LYPD6B: variants seen among roughly 807,000 people sequenced by gnomAD.
LYPD6B encodes the protein LY6/PLAUR domain containing 6B.
A neutral mutation model predicts 22.8 loss-of-function variants in LYPD6B; 17 were observed. The observed-to-expected ratio is 0.75, with a 90% CI of 0.51 to 1.12. LYPD6B has a LOEUF of 1.12. LYPD6B is among the 50% of genes most tolerant of loss of function. The pLI, the probability that LYPD6B is intolerant of heterozygous loss-of-function variation, is 0.00. For synonymous variants in LYPD6B, 106 were observed against 91.6 expected (o/e 1.16, Z -0.90); for missense variants, 221 against 258.3 (o/e 0.86, Z 0.99).
chr2:149,111,385 T>C (rs1686751958), intron 1 of LYPD6B, among the ~76,000 whole-genome samples: 1 of 151,986 alleles, frequency 6.6e-6, no homozygotes, highest in Non-Finnish European at 1.5e-5. Flanking sequence ...AAGGAGTTGG[T>C]AGTGGTGAAG....
chr2:149,121,735 C>T (rs887785153), intron 1 of LYPD6B, among the ~76,000 whole-genome samples: 10 of 152,108 alleles, frequency 6.6e-5, no homozygotes, highest in Admixed American at 1.3e-4. Context: ...CAGGACCTGC[C>T]GGGGCCAGGG....
chr2:149,120,367 A>G (rs1324801993), intron 1 of LYPD6B, among the ~76,000 whole-genome samples: 9 of 38,550 alleles, frequency 2.3e-4, no homozygotes, highest in African/African-American at 1.4e-3. Flanking sequence ...GTGTGTATAT[A>G]TATATATATA....
intron 1 of LYPD6B, among the ~76,000 whole-genome samples, chr2:149,044,932 A>G (rs6437183): frequency 1.4e-4 from 21 of 151,912 alleles, no homozygotes; most frequent in Non-Finnish European, 7.4e-5. Context: ...GTTGAACCAG[A>G]CTTACATTCT....
At chr2:149,137,615 T>C (rs1294151372) in intron 2 of LYPD6B, among the ~76,000 whole-genome samples, 11 of 152,202 alleles carry the variant, frequency 7.2e-5, no homozygotes, top group Non-Finnish European at 1.5e-5. Flanking sequence ...TCAATAAATA[T>C]TTGTGCATAC....
intron 3 of LYPD6B, among the ~76,000 whole-genome samples, chr2:149,182,005 C>T (rs1253913910): frequency 6.6e-6 from 1 of 152,148 alleles, no homozygotes; most frequent in African/African-American, 2.4e-5. Context: ...GGTGCCCTTG[C>T]CTAAGCCCCT....
intron 1 of LYPD6B, among the ~76,000 whole-genome samples, chr2:149,073,509 G>A (rs764328408): frequency 2.6e-5 from 4 of 152,216 alleles, no homozygotes; most frequent in Middle Eastern, 3.4e-3. Flanking sequence ...GCCCACTGCC[G>A]TGATGCTGGG....
chr2:149,048,476 T>C (rs1683410500), intron 1 of LYPD6B, among the ~76,000 whole-genome samples: 1 of 152,216 alleles, frequency 6.6e-6, no homozygotes. Context: ...CAGAGTGGTC[T>C]GTCTCCATGC....
At chr2:149,062,296 G>A (rs896286698) in intron 1 of LYPD6B, among the ~76,000 whole-genome samples, 2 of 152,138 alleles carry the variant, frequency 1.3e-5, no homozygotes, top group African/African-American at 4.8e-5. Flanking sequence ...AGAATCTTTT[G>A]GATAACAAAA....
chr2:149,126,386 C>T (rs897528221), intron 1 of LYPD6B, among the ~76,000 whole-genome samples: 1 of 152,286 alleles, frequency 6.6e-6, no homozygotes, highest in East Asian at 1.9e-4. Context: ...TACCAATAAA[C>T]AGTCAATGCA....
chr2:149,167,744 C>T (rs1690524732), intron 3 of LYPD6B, among the ~76,000 whole-genome samples: 1 of 152,140 alleles, frequency 6.6e-6, no homozygotes, highest in African/African-American at 2.4e-5. Context: ...CCTAGGATTT[C>T]TGGGTTTAAT....
chr2:149,055,891 A>C (rs1486752206), intron 1 of LYPD6B, among the ~76,000 whole-genome samples: 1 of 152,202 alleles, frequency 6.6e-6, no homozygotes, highest in African/African-American at 2.4e-5. Flanking sequence ...CCTTTGCTAG[A>C]AAAGACAGCA....
intron 2 of LYPD6B, among the ~76,000 whole-genome samples, chr2:149,158,904 T>C (rs774044420): frequency 5.3e-5 from 8 of 152,196 alleles, no homozygotes; most frequent in Admixed American, 1.3e-4. Context: ...AGGACTGTAG[T>C]CTCAGACAGT....
intron 2 of LYPD6B, among the ~76,000 whole-genome samples, chr2:149,142,931 T>A (rs1037737889): frequency 1.3e-5 from 2 of 152,210 alleles, no homozygotes; most frequent in Admixed American, 6.5e-5. Flanking sequence ...ACTTTTACTT[T>A]AGAATAGTTA....
intron 1 of LYPD6B, among the ~76,000 whole-genome samples, chr2:149,123,462 C>A (rs777108945): frequency 6.6e-6 from 1 of 151,924 alleles, no homozygotes; most frequent in Non-Finnish European, 1.5e-5. Flanking sequence ...AAGATCTGTA[C>A]GTAACTAAAG....
In LYPD6B at chr2:149,214,821, C is replaced by A; in HGVS notation, c.*111C>A. 3 of 1,130,072 alleles carry A rather than the reference C, an allele frequency of 2.7e-6. No individual in the cohort carries two copies. Among genetic ancestry groups the A allele is most frequent in the South Asian group, 1.4e-5 (1 of 72,742 alleles). 70.0% of individuals were successfully genotyped at this position (1,130,072 alleles called of 1,614,324 possible). ...AATCTTGCACTTGGTGAAGAGTGCA[C>A]ATTGGACCTCAAGGCGAAAGCCAGT... is the stretch of plus-strand genomic sequence containing the variant. On this transcript the variant is annotated 3_prime_UTR_variant, in exon 7 of 7. Transcript: ENST00000409642.
At chr2:149,196,959 TG>T (rs2106096505) in intron 3 of LYPD6B, among the ~76,000 whole-genome samples, 1 of 152,242 alleles carries the variant, frequency 6.6e-6, no homozygotes, top group Non-Finnish European at 1.5e-5. Flanking sequence ...ACTCAACCAA[TG>T]TCGAGTAATG....
chr2:149,122,368 G>A (rs1209479482), intron 1 of LYPD6B, among the ~76,000 whole-genome samples: 2 of 151,622 alleles, frequency 1.3e-5, no homozygotes, highest in African/African-American at 2.4e-5. Context: ...TTTGATGGAG[G>A]CATGTTTCTC....
intron 3 of LYPD6B, among the ~76,000 whole-genome samples, chr2:149,189,350 A>ATG (rs1692335013): frequency 2.2e-5 from 2 of 90,438 alleles, no homozygotes; most frequent in South Asian, 9.7e-4. Flanking sequence ...AATTATATAT[A>ATG]TATATATATA....
intron 1 of LYPD6B, among the ~76,000 whole-genome samples, chr2:149,113,198 G>A (rs1686842950): frequency 2.3e-5 from 1 of 43,566 alleles, no homozygotes; most frequent in South Asian, 7.1e-4. Flanking sequence ...AGGTTGGCTT[G>A]TAAAGTCTTA....
Sources: allele counts gnomAD v4.1 joint callset (sites outside exome capture counted in the v4.1 genomes callset), GRCh38; gene constraint gnomAD v4.1.1; transcripts MANE v1.5; gene names NCBI Gene and HGNC (gene_info 2026-07-23, HGNC 2026-07-21).